DSG3: variants seen among roughly 807,000 people sequenced by gnomAD.
DSG3 encodes desmoglein 3.
Under a neutral mutation model 85.9 loss-of-function variants are expected in DSG3, and 63 were observed. The ratio of observed to expected loss-of-function variants is 0.73; its 90% CI spans 0.60 to 0.90. The LOEUF is 0.90. Among genes scored for constraint, DSG3 ranks in the 40% least tolerant of loss-of-function variants. The pLI is 0.00. For synonymous variants in DSG3, 447 were observed against 441.9 expected (o/e 1.01, Z -0.14); for missense variants, 1,220 against 1,219.9 (o/e 1.00, Z 0.00).
chr18:31,460,592 C>T (rs926807562), intron 6 of DSG3, among the ~76,000 whole-genome samples: 1 of 152,142 alleles, frequency 6.6e-6, no homozygotes, highest in African/African-American at 2.4e-5. Context: ...ATTACTCCCA[C>T]CCTACTCATT....
chr18:31,458,646 C>T (rs2144268836), intron 4 of DSG3, 46 bp downstream of exon 4: 2 of 1,572,882 alleles, frequency 1.3e-6, no homozygotes, highest in Non-Finnish European at 1.7e-6. Flanking sequence ...CCTTGTATAC[C>T]ATCGCTTTAG....
chr18:31,458,371 C>T, intron 3 of DSG3, 74 bp from the exon 4 acceptor site: 1 of 1,477,106 alleles, frequency 6.8e-7, no homozygotes, highest in Non-Finnish European at 9.3e-7. Context: ...TGACTTTAGA[C>T]TATGGAAGTG....
rs564099504 is a variant in DSG3 at position 31,468,781 on chromosome 18, T to C, written c.1637-308T>C. Among the ~76,000 whole-genome samples, 3 of 152,200 alleles carry C rather than the reference T, an allele frequency of 2.0e-5. No individual in the cohort carries two copies. The South Asian group carries it at 6.2e-4, about 32-fold the overall frequency. ...GTCATGAGAGCTCTGTCCTCATGCATGGATTAATGGTGTTACCATGGGAGT... is the reference window on the plus strand; with the variant it reads ...GTCATGAGAGCTCTGTCCTCATGCACGGATTAATGGTGTTACCATGGGAGT... On this transcript the variant is annotated intron_variant, in intron 11 of 15. Transcript: ENST00000257189.
rs1458536654 is a variant in DSG3 at position 31,477,873 on chromosome 18, T to C, written c.*1613T>C. The C allele has an allele frequency of 2.0e-5, 3 of 152,244 alleles. No individual in the cohort carries two copies. The highest frequency in any genetic ancestry group is 7.2e-5 in the African/African-American group (3 of 41,458). The allele number at this position is 152,244 out of a possible 1,614,324, so 9.4% of individuals were successfully genotyped here. On this transcript the variant is annotated 3_prime_UTR_variant, in exon 16 of 16. Transcript: ENST00000257189. ...ACTGTATATAAAATACAGAGTTTTATATTTTCCTTTCTTCGTTTTTCACCA... is the reference window on the plus strand; with the variant it reads ...ACTGTATATAAAATACAGAGTTTTACATTTTCCTTTCTTCGTTTTTCACCA...
chr18:31,460,116 T>C, intron 6 of DSG3, 105 bp downstream of exon 6: 1 of 1,227,528 alleles, frequency 8.1e-7, no homozygotes, highest in Middle Eastern at 2.0e-4. Flanking sequence ...AGAAAAGAGG[T>C]TCTCAGTACT....
intron 3 of DSG3, 110 bp downstream of exon 3, chr18:31,457,234 A>G (rs1410340580): frequency 2.0e-6 from 2 of 1,004,190 alleles, no homozygotes; most frequent in Non-Finnish European, 2.8e-6. Context: ...GAGTCCACAG[A>G]ACAAGTGAAC....
chr18:31,461,189 T>C, intron 7 of DSG3, 38 bp from the exon 8 acceptor site: 1 of 1,534,822 alleles, frequency 6.5e-7, no homozygotes, highest in Non-Finnish European at 8.8e-7. Flanking sequence ...ATGTAAAACC[T>C]GTCATTAGGT....
chr18:31,476,060 A>C lies in DSG3; in HGVS notation c.2800A>C (p.Thr934Pro), dbSNP rs1328009227. The C allele has an allele frequency of 6.2e-7, 1 of 1,614,076 alleles. No homozygotes were observed. The highest frequency in any genetic ancestry group is 1.3e-5 in the African/African-American group (1 of 74,912). Residue 934 changes from threonine to proline, a missense_variant, in exon 16 of 16, where the codon ACG (threonine) becomes CCG (proline). Physicochemically the swap from Thr to Pro is conservative, Grantham distance 38. Transcript: ENST00000257189. ...TCTGCAGCATGGTAACTATTTAGTA[A>C]CGGAGACTTACTCGGCTTCTGGTTC... ...DPLQHGNYLV[T>P]ETYSASGSLV...
chr18:31,469,383 A>G (rs1282249550), intron 12 of DSG3, 34 bp downstream of exon 12: 7 of 1,607,906 alleles, frequency 4.4e-6, no homozygotes, highest in Non-Finnish European at 5.9e-6. Flanking sequence ...CTGTTGGACC[A>G]GGTGTCCTCA....
At chr18:31,467,033 C>T (rs1425130749) in intron 11 of DSG3, among the ~76,000 whole-genome samples, 3 of 151,996 alleles carry the variant, frequency 2.0e-5, no homozygotes, top group Admixed American at 6.6e-5. Flanking sequence ...ATAGTGCACC[C>T]AAAAAAGATT....
In DSG3 at chr18:31,461,295, T is replaced by C. The variant is rs1186278399; in HGVS notation, c.882T>C (p.Asp294=). 9 of 1,613,460 alleles carry C rather than the reference T, an allele frequency of 5.6e-6. No homozygotes were observed. Among genetic ancestry groups the C allele is most frequent in the African/African-American group, 1.3e-5 (1 of 74,888 alleles). The change falls in exon 8 of 16, where the codon GAT becomes GAC. Residue 294 remains aspartate, a synonymous_variant. Transcript: ENST00000257189. Reference sequence around the variant, plus strand: ...TTCGATTTCAAGTAACAGATTTGGATGAAGAGTACACAGATAATTGGCTTG... The same window carrying C: ...TTCGATTTCAAGTAACAGATTTGGACGAAGAGTACACAGATAATTGGCTTG... ...ELLRFQVTDL[D]EEYTDNWLAV...
rs1399032578 is a variant in DSG3 at position 31,474,526 on chromosome 18, GGTTT to G, written c.2385+131_2385+134del. On this transcript the variant is annotated intron_variant, in intron 15 of 15. Transcript: ENST00000257189. ...GCTTGTTAAAATGCAAGAAAAAAAT[GGTTT>G]GTTTGTTTTTTGCCAAAATAATACA... is the stretch of plus-strand genomic sequence containing the variant. 93 of 1,293,010 alleles carry G rather than the reference GGTTT, an allele frequency of 7.2e-5. 1 individual carries two copies. In the Middle Eastern group the frequency reaches 8.4e-4, roughly 12 times the overall value. 80.1% of individuals were successfully genotyped at this position (1,293,010 alleles called of 1,614,324 possible).
At position 31,469,121 on chromosome 18, in the gene DSG3, A is replaced by G; in HGVS notation, c.1669A>G (p.Ile557Val). The change falls in exon 12 of 16, where the codon ATA (isoleucine) becomes GTA (valine). Residue 557 changes from isoleucine to valine, a missense_variant. Physicochemically the swap from Ile to Val is conservative, Grantham distance 29 (BLOSUM62 3). Transcript: ENST00000257189. The part of the protein sequence containing the change: ...TSALLRAQEQ[I>V]PPGVYHISLV... ...GGCCCTCCTCAGAGCCCAGGAACAG[A>G]TACCTCCTGGAGTATACCACATCTC... 1 of 1,614,180 alleles carries G rather than the reference A, an allele frequency of 6.2e-7. No individual in the cohort carries two copies.
chr18:31,452,856 A>C (rs1406799333), intron 1 of DSG3, among the ~76,000 whole-genome samples: 1 of 152,186 alleles, frequency 6.6e-6, no homozygotes, highest in Non-Finnish European at 1.5e-5. Context: ...CAGCCTACAC[A>C]GCATTTCAAA....
intron 10 of DSG3, 38 bp from the exon 11 acceptor site, chr18:31,466,492 C>T: frequency 1.3e-6 from 2 of 1,570,658 alleles, no homozygotes; most frequent in South Asian, 2.2e-5. Context: ...CAACTTTGTT[C>T]TATACATTTC....
At chr18:31,461,802 G>T (rs371484759) in intron 8 of DSG3, among the ~76,000 whole-genome samples, 1 of 152,310 alleles carries the variant, frequency 6.6e-6, no homozygotes, top group East Asian at 1.9e-4. Context: ...ATGGAATCAC[G>T]TCTTGCCCAT....
Position 31,466,575 on chromosome 18 carries a change from C to A in DSG3, c.1457C>A (p.Pro486His). 1 of 1,614,138 alleles carries A rather than the reference C, an allele frequency of 6.2e-7. No homozygotes were observed. The highest frequency in any genetic ancestry group is 8.5e-7 in the Non-Finnish European group (1 of 1,180,034). The stretch of plus-strand genomic sequence containing the variant: ...ACAGGCACGGTATATGTTAGAGTAC[C>A]CGATTTCAATGACAATTGTCCAACA... ...TSTGTVYVRVPDFNDNCPTAV... is the reference protein window; with the variant it reads ...TSTGTVYVRVHDFNDNCPTAV... Residue 486 changes from proline (P) to histidine (H), a missense_variant, in exon 11 of 16, where the codon CCC becomes CAC. By Grantham distance (77) the Pro-to-His change is moderately conservative. Transcript: ENST00000257189.
intron 6 of DSG3, among the ~76,000 whole-genome samples, chr18:31,460,280 A>G (rs1416755214): frequency 2.6e-5 from 4 of 152,220 alleles, no homozygotes; most frequent in South Asian, 2.1e-4. Flanking sequence ...ATAGACATAC[A>G]TGGACAAAGA....
At chr18:31,449,413 C>T (rs1349723735) in intron 1 of DSG3, among the ~76,000 whole-genome samples, 4 of 152,010 alleles carry the variant, frequency 2.6e-5, no homozygotes, top group Non-Finnish European at 4.4e-5. Context: ...CATGGGCTGT[C>T]GGGATAGTAT....
Sources: gnomAD v4.1 joint callset for allele counts (sites outside exome capture counted in the v4.1 genomes callset) on GRCh38, gnomAD v4.1.1 for gene constraint, MANE v1.5 for transcripts, NCBI Gene and HGNC (gene_info 2026-07-23, HGNC 2026-07-21) for gene names.